CYP4Z1: variants seen among roughly 807,000 people sequenced by gnomAD.
CYP4Z1 encodes the protein cytochrome P450 4Z1.
Under a neutral mutation model 54.2 loss-of-function variants are expected in CYP4Z1, and 41 were observed. The ratio of observed to expected loss-of-function variants is 0.76; its 90% CI spans 0.59 to 0.98. The LOEUF is 0.98. Ranked by LOEUF, CYP4Z1 falls within the 50% of genes least tolerant of loss-of-function variation. The pLI is 0.00. For missense variants in CYP4Z1, 513 were observed against 599.0 expected, an observed-to-expected ratio of 0.86 and a Z score of 1.50; for synonymous variants, 163 against 206.2, an observed-to-expected ratio of 0.79 and a Z score of 1.79.
intron 6 of CYP4Z1, among the ~76,000 whole-genome samples, chr1:47,086,766 C>A (rs1273932518): frequency 1.3e-5 from 2 of 152,258 alleles, no homozygotes; most frequent in East Asian, 3.9e-4. Context: ...GAAGTCCTTG[C>A]CCATGCCTAT....
chr1:47,097,419 G>A (rs1333500788), intron 7 of CYP4Z1, among the ~76,000 whole-genome samples: 1 of 152,150 alleles, frequency 6.6e-6, no homozygotes, highest in African/African-American at 2.4e-5. Flanking sequence ...GTATTGCCTA[G>A]ATTTTTGTCT....
chr1:47,087,317 C>G (rs1482821240), intron 6 of CYP4Z1, among the ~76,000 whole-genome samples: 1 of 152,132 alleles, frequency 6.6e-6, no homozygotes, highest in Non-Finnish European at 1.5e-5. Flanking sequence ...TTGATTCTTC[C>G]TACCCATGAG....
chr1:47,105,063 G>A (rs1644747312), intron 8 of CYP4Z1, among the ~76,000 whole-genome samples: 1 of 152,186 alleles, frequency 6.6e-6, no homozygotes, highest in Non-Finnish European at 1.5e-5. Flanking sequence ...CTCATGATTT[G>A]CTAGCACCTT....
intron 2 of CYP4Z1, among the ~76,000 whole-genome samples, chr1:47,069,361 C>G (rs978319953): frequency 6.6e-6 from 1 of 152,256 alleles, no homozygotes; most frequent in Non-Finnish European, 1.5e-5. Context: ...CTTCGCCTCA[C>G]TCTCCCAGCT....
chr1:47,101,548 G>A (rs1225397635), intron 8 of CYP4Z1, among the ~76,000 whole-genome samples: 1 of 151,966 alleles, frequency 6.6e-6, no homozygotes, highest in Non-Finnish European at 1.5e-5. Context: ...CCATGTATTT[G>A]TACAGTTTCT....
intron 2 of CYP4Z1, among the ~76,000 whole-genome samples, 172 bp downstream of exon 2, chr1:47,068,935 G>T (rs1195374149): frequency 6.6e-6 from 1 of 152,158 alleles, no homozygotes; most frequent in Non-Finnish European, 1.5e-5. Context: ...TCTATTGAGG[G>T]CTGTTGTAGA....
intron 6 of CYP4Z1, among the ~76,000 whole-genome samples, chr1:47,092,662 C>T (rs1644648759): frequency 6.6e-6 from 1 of 152,154 alleles, no homozygotes; most frequent in Admixed American, 6.5e-5. Context: ...TATTTCTTCA[C>T]TTTCCCTATC....
intron 2 of CYP4Z1, among the ~76,000 whole-genome samples, chr1:47,069,796 C>T (rs1462374753): frequency 7.0e-6 from 1 of 143,858 alleles, no homozygotes; most frequent in African/African-American, 2.6e-5. Flanking sequence ...TTCTTCAGTC[C>T]CCATTGTCTT....
Position 47,117,979 on chromosome 1 carries a change from C to A in CYP4Z1, c.*45C>A. ...AGAATTAATGAGACAATTTTCCTAC[C>A]AAAGGAAGAACAAAAGGATAAATAT... On this transcript the variant is annotated 3_prime_UTR_variant, in exon 12 of 12. Transcript: ENST00000334194. 5.1e-6 allele frequency: 8 copies of A among 1,571,540 alleles called. No homozygotes were observed. Among genetic ancestry groups the A allele is most frequent in the South Asian group, 1.1e-5 (1 of 88,652 alleles).
Position 47,099,129 on chromosome 1 carries a change from C to T in CYP4Z1, c.912C>T (p.Leu304=). The T allele has an allele frequency of 1.9e-6, 3 of 1,614,042 alleles. No homozygotes were observed. Among genetic ancestry groups the T allele is most frequent in the Non-Finnish European group, 2.5e-6 (3 of 1,179,992 alleles). The stretch of plus-strand genomic sequence containing the variant: ...CCAAAGATTTCTCTGAAGCAGATCT[C>T]CAGGCTGAAGTGAAAACGTTCATGT... ...ENTKDFSEAD[L]QAEVKTFMFA... The change falls in exon 8 of 12, where the codon CTC becomes CTT. Residue 304 remains leucine (L), a synonymous_variant. Transcript: ENST00000334194.
At chr1:47,064,304 G>C (rs79297261), upstream of CYP4Z1, among the ~76,000 whole-genome samples, 739 of 151,852 alleles carry the variant, frequency 4.9e-3, 12 homozygotes, top group East Asian at 0.046. Flanking sequence ...GGATGGTCTC[G>C]ATCTCCTGAC....
At chr1:47,105,995 G>C in intron 8 of CYP4Z1, 133 bp from the exon 9 acceptor site, 1 of 1,085,204 alleles carries the variant, frequency 9.2e-7, no homozygotes, top group Non-Finnish European at 1.3e-6. Flanking sequence ...AGACATACTT[G>C]ATACATCTGA....
intron 7 of CYP4Z1, among the ~76,000 whole-genome samples, chr1:47,097,532 C>A (rs1214816762): frequency 6.6e-6 from 1 of 152,116 alleles, no homozygotes; most frequent in Non-Finnish European, 1.5e-5. Flanking sequence ...ATATGACTAG[C>A]CAGTTCTCCC....
At chr1:47,069,027 T>C (rs984875475) in intron 2 of CYP4Z1, among the ~76,000 whole-genome samples, 30 of 152,226 alleles carry the variant, frequency 2.0e-4, no homozygotes, top group African/African-American at 7.2e-4. Context: ...TTTACTTACC[T>C]CAGACCCCCA....
chr1:47,055,962 C>T, the CYP4Z1 span, among the ~76,000 whole-genome samples: 6 of 152,086 alleles, frequency 3.9e-5, no homozygotes, highest in Admixed American at 3.9e-4. Context: ...CTTCTGCTAG[C>T]TTTTGAATGT....
the CYP4Z1 span, among the ~76,000 whole-genome samples, chr1:47,057,094 A>G: frequency 2.7e-5 from 4 of 150,776 alleles, no homozygotes; most frequent in Non-Finnish European, 5.9e-5. Flanking sequence ...TTCCTTCAGG[A>G]GCTCTTTTAG....
chr1:47,066,280 T>C (rs1237212757), upstream of CYP4Z1, among the ~76,000 whole-genome samples: 1 of 152,070 alleles, frequency 6.6e-6, no homozygotes, highest in Non-Finnish European at 1.5e-5. Flanking sequence ...GCAAAAATCC[T>C]CAATCAAATA....
chr1:47,065,162 T>G (rs928140994), upstream of CYP4Z1, among the ~76,000 whole-genome samples: 4 of 152,148 alleles, frequency 2.6e-5, no homozygotes, highest in Non-Finnish European at 4.4e-5. Context: ...GGACCTAAAC[T>G]ATACCCTACA....
intron 8 of CYP4Z1, among the ~76,000 whole-genome samples, chr1:47,100,156 C>T (rs1557631012): frequency 6.6e-6 from 1 of 152,150 alleles, no homozygotes; most frequent in Non-Finnish European, 1.5e-5. Flanking sequence ...GCTTCTTTTG[C>T]ACAGGATTCA....
Sources: gnomAD v4.1 joint callset for allele counts (sites outside exome capture counted in the v4.1 genomes callset) on GRCh38, gnomAD v4.1.1 for gene constraint, MANE v1.5 for transcripts, NCBI Gene and HGNC (gene_info 2026-07-23, HGNC 2026-07-21) for gene names.